The following ATF6 variants were observed in gnomAD, a reference collection of about 807,000 sequenced individuals.
ATF6 encodes activating transcription factor 6.
A neutral mutation model predicts 83.6 loss-of-function variants in ATF6; 53 were observed. The ratio of observed to expected loss-of-function variants is 0.63; its 90% CI spans 0.51 to 0.80. The LOEUF is 0.80. Among genes scored for constraint, ATF6 ranks in the 30% least tolerant of loss-of-function variants. ATF6 has a pLI of 0.00. For synonymous variants in ATF6, 288 were observed against 285.8 expected (o/e 1.01, Z -0.08); for missense variants, 744 against 797.9 (o/e 0.93, Z 0.81).
chr1:161,858,615 C>A (rs753908770), intron 12 of ATF6, among the ~76,000 whole-genome samples: 1 of 152,248 alleles, frequency 6.6e-6, no homozygotes, highest in East Asian at 1.9e-4. Flanking sequence ...AAAGCTTCAA[C>A]GTACACAAAG....
intron 1 of ATF6, among the ~76,000 whole-genome samples, chr1:161,769,745 T>C (rs1355483821): frequency 2.0e-5 from 3 of 151,996 alleles, no homozygotes; most frequent in African/African-American, 7.3e-5. Flanking sequence ...CGTTAGATTC[T>C]CATAAGGAGC....
chr1:161,924,267 A>T (rs569185588), intron 15 of ATF6, among the ~76,000 whole-genome samples: 1 of 152,280 alleles, frequency 6.6e-6, no homozygotes, highest in East Asian at 1.9e-4. Context: ...GTTATTTAAG[A>T]CATCTGCAAG....
chr1:161,839,963 T>C (rs76165729), intron 9 of ATF6: 1 of 152,198 alleles, frequency 6.6e-6, no homozygotes, highest in Non-Finnish European at 1.5e-5. Context: ...TTTACCATGA[T>C]AGAAATGGGA....
Position 161,840,909 on chromosome 1 carries a change from G to A in ATF6, c.1188-5540G>A, listed in dbSNP as rs76746400. On this transcript the variant is annotated intron_variant, in intron 9 of 15. Transcript: ENST00000367942. ...TTAATATTTGTAGCTTGTTTTAAAC[G>A]TACTGAGTAGAACCTGATTTAAGCA... Among the ~76,000 whole-genome samples, 62 of 152,208 alleles carry A rather than the reference G, an allele frequency of 4.1e-4. 1 individual carries two copies. In the East Asian group the frequency reaches 5.4e-3, roughly 13 times the overall value.
intron 14 of ATF6, among the ~76,000 whole-genome samples, chr1:161,890,674 A>T (rs1451664182): frequency 6.6e-6 from 1 of 152,126 alleles, no homozygotes; most frequent in African/African-American, 2.4e-5. Flanking sequence ...GCTCTAGCGG[A>T]TTGGCCCCAA....
chr1:161,957,138 A>G (rs928335201), intron 15 of ATF6, among the ~76,000 whole-genome samples: 4 of 151,854 alleles, frequency 2.6e-5, no homozygotes, highest in Non-Finnish European at 4.4e-5. Context: ...TTCTTCCTCC[A>G]GATTTGTAAT....
intron 15 of ATF6, among the ~76,000 whole-genome samples, chr1:161,936,846 C>T (rs1439682607): frequency 6.6e-6 from 1 of 152,058 alleles, no homozygotes; most frequent in Admixed American, 6.5e-5. Flanking sequence ...AACTGATTTC[C>T]ACCCTCAACC....
At chr1:161,805,253 TA>T (rs1463404548) in intron 7 of ATF6, among the ~76,000 whole-genome samples, 1 of 152,070 alleles carries the variant, frequency 6.6e-6, no homozygotes, top group Non-Finnish European at 1.5e-5. Flanking sequence ...AATATTTCAT[TA>T]AAAATACTTT....
chr1:161,858,083 G>A (rs1686802074), intron 12 of ATF6, among the ~76,000 whole-genome samples: 1 of 151,746 alleles, frequency 6.6e-6, no homozygotes, highest in Admixed American at 6.6e-5. Flanking sequence ...CTCCTGCCTG[G>A]GCAACAAAGC....
At chr1:161,796,008 A>G (rs899835618) in intron 6 of ATF6, among the ~76,000 whole-genome samples, 8 of 152,316 alleles carry the variant, frequency 5.3e-5, no homozygotes, top group Non-Finnish European at 8.8e-5. Flanking sequence ...GCTTGATACA[A>G]TATGGGAAAA....
intron 9 of ATF6, among the ~76,000 whole-genome samples, chr1:161,825,476 T>C (rs1330774135): frequency 1.3e-5 from 2 of 152,186 alleles, no homozygotes; most frequent in Admixed American, 1.3e-4. Context: ...TCTGACTAAG[T>C]GGCTATAAGT....
At chr1:161,799,786 G>A (rs750271142) in intron 6 of ATF6, among the ~76,000 whole-genome samples, 1 of 152,020 alleles carries the variant, frequency 6.6e-6, no homozygotes, top group Non-Finnish European at 1.5e-5. Context: ...CTGAAACAAG[G>A]GCTTTGCTTT....
intron 9 of ATF6, among the ~76,000 whole-genome samples, chr1:161,829,891 C>T (rs1410379150): frequency 6.6e-6 from 1 of 151,904 alleles, no homozygotes; most frequent in Non-Finnish European, 1.5e-5. Context: ...TGAAAACTGG[C>T]ACAAGACAGG....
chr1:161,799,961 A>G (rs1306452389), intron 6 of ATF6, among the ~76,000 whole-genome samples: 1 of 152,182 alleles, frequency 6.6e-6, no homozygotes, highest in African/African-American at 2.4e-5. Flanking sequence ...AACAAATTAT[A>G]AATTTACATG....
Position 161,792,143 on chromosome 1 carries a change from G to T in ATF6, c.504G>T (p.Lys168Asn). ...CTCCAGAAAATGGACTGACTCCAAA[G>T]AAAAAAATTCAGGTGAATTCAAAAC... ...RNKTENGLTPKKKIQVNSKPS... is the reference protein window; with the variant it reads ...RNKTENGLTPNKKIQVNSKPS... The change falls in exon 6 of 16, where the codon AAG (lysine) becomes AAT (asparagine). Residue 168 changes from lysine to asparagine, a missense_variant. Transcript: ENST00000367942. The T allele has an allele frequency of 1.2e-6, 2 of 1,613,816 alleles. No individual in the cohort carries two copies. The highest frequency in any genetic ancestry group is 1.3e-5 in the African/African-American group (1 of 75,028).
intron 7 of ATF6, among the ~76,000 whole-genome samples, chr1:161,811,085 A>C (rs1156991147): frequency 6.6e-6 from 1 of 152,172 alleles, no homozygotes; most frequent in Non-Finnish European, 1.5e-5. Context: ...GTACATTTTC[A>C]CAGTCTTTTA....
chr1:161,771,319 G>A (rs889928819), intron 1 of ATF6, among the ~76,000 whole-genome samples: 9 of 152,070 alleles, frequency 5.9e-5, no homozygotes, highest in African/African-American at 1.9e-4. Flanking sequence ...CTGTGGTTTC[G>A]TTTATGTCTT....
At chr1:161,905,979 C>G (rs942512780) in intron 14 of ATF6, among the ~76,000 whole-genome samples, 2 of 152,204 alleles carry the variant, frequency 1.3e-5, no homozygotes, top group East Asian at 3.9e-4. Flanking sequence ...ACCACAGGCG[C>G]CTGCCACCAC....
intron 10 of ATF6, among the ~76,000 whole-genome samples, chr1:161,847,580 C>T (rs145103751): frequency 5.4e-4 from 82 of 152,218 alleles, no homozygotes; most frequent in African/African-American, 1.9e-3. Context: ...TGCTTTTTTA[C>T]ATGCCAAAAT....
Sources: gnomAD v4.1 joint callset for allele counts (sites outside exome capture counted in the v4.1 genomes callset) on GRCh38, gnomAD v4.1.1 for gene constraint, MANE v1.5 for transcripts, NCBI Gene and HGNC (gene_info 2026-07-23, HGNC 2026-07-21) for gene names.